Variants in RAD50 observed in about 807,000 individuals in gnomAD.
RAD50 encodes the protein DNA repair protein RAD50.
A neutral mutation model predicts 168.8 loss-of-function variants in RAD50; 132 were observed. That is an observed-to-expected ratio of 0.78 (90% CI 0.68 to 0.90). The LOEUF (loss-of-function observed/expected upper bound fraction) is 0.90, where lower values mean the gene tolerates loss of function less well. Among genes scored for constraint, RAD50 ranks in the 40% least tolerant of loss-of-function variants. The pLI, the probability that RAD50 is intolerant of heterozygous loss-of-function variation, is 0.00. For synonymous variants in RAD50, 525 were observed against 497.4 expected (o/e 1.06, Z -0.74); for missense variants, 1,347 against 1,534.4 (o/e 0.88, Z 2.04).
At chr5:132,630,201 C>T (rs1409668710) in intron 21 of RAD50, among the ~76,000 whole-genome samples, 6 of 152,060 alleles carry the variant, frequency 3.9e-5, no homozygotes, top group Non-Finnish European at 8.8e-5. Flanking sequence ...TGCCACCACA[C>T]CCGGCTAATT....
intron 16 of RAD50, among the ~76,000 whole-genome samples, chr5:132,607,386 A>G (rs764780048): frequency 1.3e-5 from 2 of 152,192 alleles, no homozygotes; most frequent in African/African-American, 4.8e-5. Context: ...CTCAGTTGCC[A>G]CTGGAATGCA....
intron 2 of RAD50, among the ~76,000 whole-genome samples, chr5:132,563,738 G>C (rs1022537563): frequency 6.6e-6 from 1 of 152,104 alleles, no homozygotes; most frequent in Admixed American, 6.6e-5. Context: ...TACCGATATG[G>C]TTTGAATTTG....
intron 2 of RAD50, among the ~76,000 whole-genome samples, chr5:132,566,583 T>G (rs1345188260): frequency 6.6e-6 from 1 of 152,186 alleles, no homozygotes; most frequent in Non-Finnish European, 1.5e-5. Flanking sequence ...TGCCTTCCTA[T>G]CTCTCCTCGA....
intron 2 of RAD50, among the ~76,000 whole-genome samples, chr5:132,563,640 C>T (rs933929789): frequency 6.6e-6 from 1 of 152,142 alleles, no homozygotes; most frequent in Non-Finnish European, 1.5e-5. Context: ...TTGTTCAGCC[C>T]AAGCACTGAA....
chr5:132,589,782 A>G lies in RAD50; in HGVS notation c.1397A>G (p.Gln466Arg), dbSNP rs752489625. The G allele has an allele frequency of 6.2e-7, 1 of 1,613,784 alleles. No homozygotes were observed. The highest frequency in any genetic ancestry group is 8.5e-7 in the Non-Finnish European group (1 of 1,179,848). The change falls in exon 9 of 25, where the codon CAG becomes CGG. Residue 466 changes from glutamine (Q) to arginine (R), a missense_variant. Gln to Arg is a conservative substitution (Grantham distance 43). Coordinates refer to ENST00000378823, the MANE Select transcript of RAD50 (RefSeq NM_005732.4). ...ELKNVKYELQ[Q>R]LEGSSDRILE... ...AAAAATGTGAAGTATGAATTACAGC[A>G]GTTGGAAGGATCTTCAGACAGGATT... is the stretch of plus-strand genomic sequence containing the variant.
intron 2 of RAD50, among the ~76,000 whole-genome samples, chr5:132,569,159 TAAG>T (rs1291088641): frequency 4.6e-5 from 7 of 152,028 alleles, no homozygotes; most frequent in Non-Finnish European, 1.0e-4. Flanking sequence ...AATTAGTAGA[TAAG>T]AACCCTAAAA....
In RAD50 at chr5:132,600,906, T is replaced by G. The variant is rs552235074; in HGVS notation, c.2208-2394T>G. Reference sequence around the variant, plus strand: ...TGTGTACATATATCAGAACATCACATTGTACCCCATAAATGTTTGCAATTA... The same window carrying G: ...TGTGTACATATATCAGAACATCACAGTGTACCCCATAAATGTTTGCAATTA... On this transcript the variant is annotated intron_variant, in intron 13 of 24. Transcript: ENST00000378823. Among the ~76,000 whole-genome samples, 6 of 152,314 alleles carry G rather than the reference T, an allele frequency of 3.9e-5. No homozygotes were observed. The South Asian group carries it at 1.0e-3, about 26-fold the overall frequency.
rs1047378835 is a variant in RAD50 at position 132,638,397 on chromosome 5, A to G, written c.3618+174A>G. On this transcript the variant is annotated intron_variant, in intron 23 of 24. Transcript: ENST00000378823. The stretch of plus-strand genomic sequence containing the variant: ...TATTACACTCTCCTGAAGCTAACCA[A>G]CATTTCCTGCAACATTATGTAGACT... The G allele has an allele frequency of 2.7e-5, 20 of 748,862 alleles. No homozygotes were observed. The African/African-American group carries it at 3.1e-4, about 12-fold the overall frequency. The allele number at this position is 748,862 out of a possible 1,614,324, so 46.4% of individuals were successfully genotyped here.
rs1384633562 is a variant in RAD50, at chr5:132,644,520, G to GTTGT, written c.*2158_*2161dup. On this transcript the variant is annotated 3_prime_UTR_variant, in exon 25 of 25. Transcript: ENST00000378823. Reference sequence around the variant, plus strand: ...GGTAAAATGGTACATATTTTGTAGGGTTGTTATGAAGATTGAATGACATTA... The same window carrying GTTGT: ...GGTAAAATGGTACATATTTTGTAGGGTTGTTTGTTATGAAGATTGAATGACATTA... The GTTGT allele has an allele frequency of 1.1e-5, 2 of 180,960 alleles. No individual in the cohort carries two copies. The highest frequency in any genetic ancestry group is 4.7e-5 in the African/African-American group (2 of 42,412). 11.2% of individuals were successfully genotyped at this position (180,960 alleles called of 1,614,324 possible).
At chr5:132,577,114 G>A (rs7708626) in intron 3 of RAD50, among the ~76,000 whole-genome samples, 7,229 of 152,226 alleles carry the variant, frequency 0.047, 562 homozygotes, top group African/African-American at 0.17. Context: ...GTAGGGTTAC[G>A]TTCCTTTCTG....
intron 21 of RAD50, among the ~76,000 whole-genome samples, chr5:132,627,540 G>A (rs757124531): frequency 5.9e-5 from 9 of 152,170 alleles, no homozygotes; most frequent in East Asian, 5.8e-4. Context: ...GGGTGCAGGC[G>A]TTCCAGGTAG....
At chr5:132,564,573 G>A (rs1242686694) in intron 2 of RAD50, among the ~76,000 whole-genome samples, 1 of 152,170 alleles carries the variant, frequency 6.6e-6, no homozygotes, top group Non-Finnish European at 1.5e-5. Flanking sequence ...TATTTAAAAG[G>A]GAAGCAGAGC....
intron 19 of RAD50, among the ~76,000 whole-genome samples, chr5:132,613,408 G>A (rs1227837850): frequency 6.6e-6 from 1 of 151,956 alleles, no homozygotes; most frequent in African/African-American, 2.4e-5. Flanking sequence ...AACATTTGTG[G>A]TATACTATAA....
intron 16 of RAD50, among the ~76,000 whole-genome samples, chr5:132,605,796 A>C (rs1383547965): frequency 6.6e-6 from 1 of 152,224 alleles, no homozygotes; most frequent in East Asian, 1.9e-4. Context: ...ACCACAGTGC[A>C]ATCAAATTAG....
rs371995991 is a variant in RAD50, at chr5:132,619,815, C to CT, written c.3389+1521_3389+1522insT. On this transcript the variant is annotated intron_variant, in intron 21 of 24. Coordinates refer to ENST00000378823, the MANE Select transcript of RAD50 (RefSeq NM_005732.4). ...CTCTCTCTCTCTCTCTCTCTCTACT[C>CT]CTCTCTCTCTCTCTCTCTCTCTATA... Among the ~76,000 whole-genome samples the CT allele has an allele frequency of 6.5e-3, 773 of 118,092 alleles. 9 individuals are homozygous for CT. The highest frequency in any genetic ancestry group is 0.028 in the African/African-American group (725 of 26,344). 77.5% of individuals were successfully genotyped at this position (118,092 alleles called of 152,430 possible). A position where few individuals can be genotyped will look rare whatever the true frequency, so the allele number is the denominator to read the frequency against.
At position 132,588,900 on chromosome 5, in the gene RAD50, G is replaced by A. The variant is rs1201132822; in HGVS notation, c.1245+20G>A. On this transcript the variant is annotated intron_variant, in intron 8 of 24. Coordinates refer to ENST00000378823, the MANE Select transcript of RAD50 (RefSeq NM_005732.4). ...CTGATGGCAAGTATTTTGAAATACA[G>A]TATTTGTTATTTTGTTTGCATCATA... The A allele has an allele frequency of 6.3e-7, 1 of 1,593,842 alleles. No individual in the cohort carries two copies. The highest frequency in any genetic ancestry group is 1.7e-5 in the Admixed American group (1 of 59,806).
chr5:132,640,068 A>G (rs1354687731), intron 23 of RAD50, among the ~76,000 whole-genome samples: 1 of 152,218 alleles, frequency 6.6e-6, no homozygotes, highest in African/African-American at 2.4e-5. Flanking sequence ...TTAGGTTTCT[A>G]GTAACCACGA....
In RAD50 at chr5:132,557,468, G is replaced by A. The variant is rs776274044; in HGVS notation, c.129+15G>A. The A allele has an allele frequency of 1.2e-6, 2 of 1,614,102 alleles. No individual in the cohort carries two copies. The highest frequency in any genetic ancestry group is 1.7e-6 in the Non-Finnish European group (2 of 1,179,926). On this transcript the variant is annotated intron_variant, in intron 1 of 24. Coordinates refer to ENST00000378823, the MANE Select transcript of RAD50 (RefSeq NM_005732.4). ...CGGGAAAGACGGTAAGTCTTCAGTA[G>A]CCGCCTTCAGTTTACAGGTCGCTAC... is the stretch of plus-strand genomic sequence containing the variant.
At position 132,597,745 on chromosome 5, in the gene RAD50, T is replaced by C. The variant is rs73259677; in HGVS notation, c.2207+1935T>C. The stretch of plus-strand genomic sequence containing the variant: ...CTCTGAGAAATAATAAGTGCTGTTA[T>C]TTTAAGCTGCTAAGTTTTGGGATAC... On this transcript the variant is annotated intron_variant, in intron 13 of 24. Transcript: ENST00000378823. Among the ~76,000 whole-genome samples the C allele has an allele frequency of 9.5e-3, 1,445 of 152,306 alleles. 25 individuals carry two copies. The highest frequency in any genetic ancestry group is 0.033 in the African/African-American group (1,377 of 41,548).
Sources: allele counts gnomAD v4.1 joint callset (sites outside exome capture counted in the v4.1 genomes callset), GRCh38; gene constraint gnomAD v4.1.1; transcripts MANE v1.5; gene names NCBI Gene and HGNC (gene_info 2026-07-23, HGNC 2026-07-21).